The following COG5 variants were observed in gnomAD, a reference collection of about 807,000 sequenced individuals.
COG5 encodes component of oligomeric golgi complex 5.
A neutral mutation model predicts 110.4 loss-of-function variants in COG5; 86 were observed. That is an observed-to-expected ratio of 0.78 (90% confidence interval 0.65 to 0.93). COG5 has a LOEUF of 0.93. Ranked by LOEUF, COG5 falls within the 40% of genes least tolerant of loss-of-function variation. COG5 has a pLI of 0.00. For synonymous variants in COG5, 360 were observed against 334.6 expected (o/e 1.08, Z -0.83); for missense variants, 1,077 against 987.0 (o/e 1.09, Z -1.22).
intron 11 of COG5, among the ~76,000 whole-genome samples, chr7:107,311,692 C>T (rs1289255216): frequency 3.9e-5 from 6 of 152,026 alleles, no homozygotes; most frequent in Non-Finnish European, 5.9e-5. Flanking sequence ...CGCGCCCGGC[C>T]ACATTTTTTT....
Position 107,206,989 on chromosome 7 carries a change from A to G in COG5, c.2376-3359T>C, listed in dbSNP as rs1036263448. 4.0e-4 allele frequency among the ~76,000 whole-genome samples: 59 copies of G among 146,590 alleles called. 1 individual carries two copies. Among genetic ancestry groups the G allele is most frequent in the Admixed American group, 3.7e-3 (54 of 14,636 alleles). On this transcript the variant is annotated intron_variant, in intron 21 of 21. Transcript: ENST00000297135. ...GATTATTGAGGTTATCCTTATTGAGAAAAAAAACACGATTAGTAGAGGAAT... is the reference window on the plus strand; with the variant it reads ...GATTATTGAGGTTATCCTTATTGAGGAAAAAAACACGATTAGTAGAGGAAT...
At chr7:107,548,724 C>G (rs899097101) in intron 3 of COG5, among the ~76,000 whole-genome samples, 1 of 152,008 alleles carries the variant, frequency 6.6e-6, no homozygotes, top group African/African-American at 2.4e-5. Context: ...AACACATTAC[C>G]AAAAAAGTAT....
At chr7:107,227,694 T>G (rs891603058) in intron 19 of COG5, among the ~76,000 whole-genome samples, 12 of 151,560 alleles carry the variant, frequency 7.9e-5, no homozygotes, top group African/African-American at 2.9e-4. Context: ...TTAGCACTAT[T>G]TTTTTTTGGG....
chr7:107,477,247 TA>T (rs749437233), intron 6 of COG5, among the ~76,000 whole-genome samples: 1 of 151,664 alleles, frequency 6.6e-6, no homozygotes, highest in South Asian at 2.1e-4. Flanking sequence ...TTTAAGAATT[TA>T]AAAAATGAAT....
At chr7:107,316,476 A>C (rs766743044) in intron 11 of COG5, among the ~76,000 whole-genome samples, 14 of 152,030 alleles carry the variant, frequency 9.2e-5, no homozygotes, top group Non-Finnish European at 4.4e-5. Flanking sequence ...CCCAGGAGAT[A>C]AAGGAAGACA....
At chr7:107,241,436 A>G (rs894909934) in intron 17 of COG5, among the ~76,000 whole-genome samples, 3 of 147,240 alleles carry the variant, frequency 2.0e-5, no homozygotes, top group African/African-American at 4.9e-5. Context: ...ATCTATATAT[A>G]TATATATTTA....
At chr7:107,505,822 G>T (rs1378730561) in intron 6 of COG5, among the ~76,000 whole-genome samples, 1 of 152,196 alleles carries the variant, frequency 6.6e-6, no homozygotes, top group African/African-American at 2.4e-5. Flanking sequence ...GTCCCTAAGG[G>T]CAAGAATACT....
chr7:107,373,682 T>G (rs28480617), intron 7 of COG5, among the ~76,000 whole-genome samples: 9,484 of 152,184 alleles, frequency 0.062, 759 homozygotes, highest in African/African-American at 0.18. Flanking sequence ...CAGAGTGATA[T>G]AAATGGGTTG....
chr7:107,344,500 T>C (rs1811432761), intron 10 of COG5, among the ~76,000 whole-genome samples: 1 of 152,174 alleles, frequency 6.6e-6, no homozygotes, highest in Admixed American at 6.5e-5. Context: ...ACTTTTGTCA[T>C]ATCAGCAATA....
intron 11 of COG5, among the ~76,000 whole-genome samples, chr7:107,319,980 AAAC>A (rs755618792): frequency 2.6e-5 from 4 of 152,194 alleles, no homozygotes; most frequent in Non-Finnish European, 4.4e-5. Flanking sequence ...TCAAAAAACA[AAAC>A]AACAACAACA....
rs1055413755 is a variant in COG5 at position 107,202,013 on chromosome 7, C to A, written c.*1503G>T. 6.5e-6 allele frequency: 1 copy of A among 152,688 alleles called. No individual in the cohort carries two copies. The allele number at this position is 152,688 out of a possible 1,614,324, so 9.5% of individuals were successfully genotyped here. ...GTTGGTGTCCCAGCCTAAGAGCCAC[C>A]TGCTGCAGTTACCATGGCATGCTGA... On this transcript the variant is annotated 3_prime_UTR_variant, in exon 22 of 22. Transcript: ENST00000297135.
At chr7:107,561,092 T>C (rs1190978485) in intron 1 of COG5, among the ~76,000 whole-genome samples, 1 of 152,138 alleles carries the variant, frequency 6.6e-6, no homozygotes, top group Non-Finnish European at 1.5e-5. Flanking sequence ...AAAGTAAGTA[T>C]TAGTATTGTC....
At chr7:107,206,182 C>T (rs1798770276) in intron 21 of COG5, among the ~76,000 whole-genome samples, 1 of 152,046 alleles carries the variant, frequency 6.6e-6, no homozygotes, top group African/African-American at 2.4e-5. Context: ...AGGATGGTCT[C>T]GATCTCTTGA....
chr7:107,389,533 A>T (rs547715089), intron 7 of COG5, among the ~76,000 whole-genome samples: 37 of 152,318 alleles, frequency 2.4e-4, no homozygotes, highest in Middle Eastern at 3.4e-3. Context: ...TTTCCCAAAC[A>T]TTCCTTCCTG....
chr7:107,531,771 T>C (rs1481199134), intron 5 of COG5, among the ~76,000 whole-genome samples: 1 of 151,714 alleles, frequency 6.6e-6, no homozygotes, highest in African/African-American at 2.4e-5. Context: ...AAGTGTTCCA[T>C]TTCGGCCAGC....
At chr7:107,504,885 T>C (rs1320393976) in intron 6 of COG5, among the ~76,000 whole-genome samples, 1 of 152,170 alleles carries the variant, frequency 6.6e-6, no homozygotes, top group Admixed American at 6.5e-5. Flanking sequence ...TGAATCTTCT[T>C]TTTTTTCTTG....
At chr7:107,335,068 T>G (rs1448377889) in intron 10 of COG5, among the ~76,000 whole-genome samples, 2 of 152,224 alleles carry the variant, frequency 1.3e-5, no homozygotes, top group Admixed American at 6.5e-5. Flanking sequence ...AAAAGTAAAT[T>G]GACCAAACAA....
At chr7:107,545,423 G>C (rs947344952) in intron 5 of COG5, among the ~76,000 whole-genome samples, 2 of 152,130 alleles carry the variant, frequency 1.3e-5, no homozygotes, top group Non-Finnish European at 2.9e-5. Context: ...AGATGGCTAT[G>C]AACAGATTTC....
intron 10 of COG5, among the ~76,000 whole-genome samples, chr7:107,347,925 GA>G: frequency 6.6e-6 from 1 of 151,880 alleles, no homozygotes; most frequent in South Asian, 2.1e-4. Context: ...AGGAGATCGA[GA>G]CCATCCTGGC....
Sources: gnomAD v4.1 joint callset for allele counts (sites outside exome capture counted in the v4.1 genomes callset) on GRCh38, gnomAD v4.1.1 for gene constraint, MANE v1.5 for transcripts, NCBI Gene and HGNC (gene_info 2026-07-23, HGNC 2026-07-21) for gene names.